The following NDUFC1 variants were observed in gnomAD, a reference collection of about 807,000 sequenced individuals.
The protein encoded by NDUFC1 is NADH:ubiquinone oxidoreductase subunit C1, also known as NADH dehydrogenase [ubiquinone] 1 subunit C1, mitochondrial.
Under a neutral mutation model 11.6 loss-of-function variants are expected in NDUFC1, and 11 were observed. That is an observed-to-expected ratio of 0.95 (90% CI 0.60 to 1.58). The LOEUF is 1.58. Among genes scored for constraint, NDUFC1 ranks in the 40% most tolerant of loss-of-function variants. The probability of loss-of-function intolerance (pLI) is 0.00; values close to 1 mark genes in which losing one functional copy is unlikely to be tolerated. For synonymous variants in NDUFC1, 52 were observed against 42.2 expected, an observed-to-expected ratio of 1.23 and a Z score of -0.90; for missense variants, 112 against 93.0, an observed-to-expected ratio of 1.20 and a Z score of -0.84.
chr4:139,301,257 G>GT (rs1745712099), intron 1 of NDUFC1: 1 of 337,350 alleles, frequency 3.0e-6, no homozygotes, highest in African/African-American at 2.1e-5. Context: ...CAGAGAGGCT[G>GT]TTTTTGATGA....
At chr4:139,297,832 G>C (rs1745531058) in intron 1 of NDUFC1, among the ~76,000 whole-genome samples, 2 of 152,208 alleles carry the variant, frequency 1.3e-5, no homozygotes, top group South Asian at 4.1e-4. Context: ...GTGAGAACAA[G>C]GTAAATGGAT....
intron 1 of NDUFC1, among the ~76,000 whole-genome samples, chr4:139,298,327 T>C (rs1745552165): frequency 6.6e-6 from 1 of 150,744 alleles, no homozygotes; most frequent in South Asian, 2.1e-4. Flanking sequence ...TAATTCCAGC[T>C]ACTCGGGAGG....
intron 1 of NDUFC1, among the ~76,000 whole-genome samples, chr4:139,299,141 T>C (rs1745599873): frequency 6.6e-6 from 1 of 152,066 alleles, no homozygotes; most frequent in African/African-American, 2.4e-5. Flanking sequence ...GGCTAATTTT[T>C]GTATTTTTAG....
At position 139,299,974 on chromosome 4, in the gene NDUFC1, G is replaced by A. The variant is rs144920917; in HGVS notation, c.-222+2442C>T. Among the ~76,000 whole-genome samples the A allele has an allele frequency of 2.7e-3, 404 of 152,262 alleles. 3 individuals are homozygous for A. The highest frequency in any genetic ancestry group is 6.8e-3 in the Middle Eastern group (2 of 294). ...CCAGAAATTTGGATATGAAGCCAGAGATTTGGAAATCCAAGCTAAAACTAT... is the reference window on the plus strand; with the variant it reads ...CCAGAAATTTGGATATGAAGCCAGAAATTTGGAAATCCAAGCTAAAACTAT... On this transcript the variant is annotated intron_variant, in intron 1 of 5. Transcript: ENST00000394223.
chr4:139,295,271 C>T, intron 3 of NDUFC1, 125 bp from the exon 4 acceptor site: 1 of 737,596 alleles, frequency 1.4e-6, no homozygotes. Context: ...ACTTAAACAG[C>T]CAAGGAAATA....
chr4:139,300,175 T>C (rs1238326292), intron 1 of NDUFC1, among the ~76,000 whole-genome samples: 5 of 152,202 alleles, frequency 3.3e-5, no homozygotes, highest in African/African-American at 1.2e-4. Flanking sequence ...AACTGAAACA[T>C]AGTTTCCTGT....
At chr4:139,301,887 G>C (rs1745771634) in intron 1 of NDUFC1, 18 of 1,538,452 alleles carry the variant, frequency 1.2e-5, no homozygotes, top group Non-Finnish European at 1.6e-5. Flanking sequence ...AACCGGGCCT[G>C]TCACCCCTAA....
At chr4:139,296,051 G>A (rs986549077) in intron 2 of NDUFC1, 91 bp from the exon 3 acceptor site, 8 of 494,696 alleles carry the variant, frequency 1.6e-5, no homozygotes, top group Non-Finnish European at 2.8e-5. Flanking sequence ...CATCTCTACG[G>A]CTATTCATCA....
chr4:139,301,838 G>A, intron 1 of NDUFC1: 1 of 1,588,200 alleles, frequency 6.3e-7, no homozygotes, highest in Non-Finnish European at 8.6e-7. Flanking sequence ...CTTGGTAAGT[G>A]TGAGGCTCCG....
intron 5 of NDUFC1, among the ~76,000 whole-genome samples, chr4:139,290,481 A>C (rs896316127): frequency 1.3e-5 from 2 of 151,924 alleles, no homozygotes; most frequent in Non-Finnish European, 2.9e-5. Context: ...AGAGTAGTGA[A>C]ATGGGCAGGG....
chr4:139,293,886 T>C (rs1464472432), intron 4 of NDUFC1, among the ~76,000 whole-genome samples: 2 of 151,380 alleles, frequency 1.3e-5, no homozygotes. Context: ...GTAGTGTTGT[T>C]GAAATGATTA....
intron 5 of NDUFC1, among the ~76,000 whole-genome samples, chr4:139,291,519 G>A (rs2110755145): frequency 6.6e-6 from 1 of 152,052 alleles, no homozygotes; most frequent in Non-Finnish European, 1.5e-5. Flanking sequence ...AGGTTGCAGT[G>A]AGCCAAGATT....
At chr4:139,293,297 C>T (rs1745311382) in intron 4 of NDUFC1, among the ~76,000 whole-genome samples, 1 of 152,074 alleles carries the variant, frequency 6.6e-6, no homozygotes, top group African/African-American at 2.4e-5. Flanking sequence ...AGTAGGATAC[C>T]TTGATTGAAT....
rs1745442858 is a variant in NDUFC1, at chr4:139,295,790, C to A, written c.9G>T (p.Pro3=). The change falls in exon 3 of 6, where the codon CCG becomes CCT. Residue 3 remains proline (P), a synonymous_variant. Transcript: ENST00000394223. ...GGGAAAGGGGACGCAGCAAGGCGGA[C>A]GGCGCCATCTTGCGTGGCCCAGCTC... MA[P]SALLRPLSRL... is the part of the protein sequence containing the mutation. 1 of 1,545,434 alleles carries A rather than the reference C, an allele frequency of 6.5e-7. No individual in the cohort carries two copies. Among genetic ancestry groups the A allele is most frequent in the East Asian group, 2.5e-5 (1 of 40,338 alleles).
Position 139,295,909 on chromosome 4 carries a change from C to A in NDUFC1, c.-111G>T, listed in dbSNP as rs771627820. The A allele has an allele frequency of 3.1e-5, 35 of 1,123,000 alleles. No homozygotes were observed. Among genetic ancestry groups the A allele is most frequent in the Admixed American group, 8.5e-5 (3 of 35,178 alleles). The allele number at this position is 1,123,000 out of a possible 1,614,324, so 69.6% of individuals were successfully genotyped here. A position where few individuals can be genotyped will look rare whatever the true frequency, so the allele number is the denominator to read the frequency against. On this transcript the variant is annotated 5_prime_UTR_variant, in exon 3 of 6. Transcript: ENST00000394223. ...CAGCAGAGCTCCGTGGGGGCGTCAACGTGAATTCCAGCACGGCAAGGTTCT... is the reference window on the plus strand; with the variant it reads ...CAGCAGAGCTCCGTGGGGGCGTCAAAGTGAATTCCAGCACGGCAAGGTTCT...
chr4:139,298,850 T>G (rs114607170), intron 1 of NDUFC1, among the ~76,000 whole-genome samples: 2 of 151,928 alleles, frequency 1.3e-5, no homozygotes, highest in African/African-American at 4.8e-5. Context: ...ATTTTAAAAT[T>G]TTTTTGTAGA....
chr4:139,301,458 T>A lies in NDUFC1; in HGVS notation c.-222+958A>T. On this transcript the variant is annotated intron_variant, in intron 1 of 5. Coordinates refer to ENST00000394223, the MANE Select transcript of NDUFC1 (RefSeq NM_001184989.2). ...GAAAGGAGGTCACCGCGCCTGCGTG[T>A]TAGGAAGCGTGACCCGGGTGGGAAA... 5 of 445,536 alleles carry A rather than the reference T, an allele frequency of 1.1e-5. No individual in the cohort carries two copies. The South Asian group carries it at 1.8e-4, about 16-fold the overall frequency. The allele number at this position is 445,536 out of a possible 1,614,324, so 27.6% of individuals were successfully genotyped here.
intron 4 of NDUFC1, among the ~76,000 whole-genome samples, chr4:139,293,928 G>A (rs1453274926): frequency 4.2e-5 from 5 of 118,000 alleles, no homozygotes; most frequent in African/African-American, 1.6e-4. Context: ...CATGTGGTGT[G>A]AATTTTTTTT....
At chr4:139,301,387 C>T (rs560189917) in intron 1 of NDUFC1, 2 of 421,902 alleles carry the variant, frequency 4.7e-6, no homozygotes, top group East Asian at 7.1e-5. Context: ...ACAGGCAGGC[C>T]AGCCTCCAGG....
Sources: gnomAD v4.1 joint callset for allele counts (sites outside exome capture counted in the v4.1 genomes callset) on GRCh38, gnomAD v4.1.1 for gene constraint, MANE v1.5 for transcripts, NCBI Gene and HGNC (gene_info 2026-07-23, HGNC 2026-07-21) for gene names.